The following GTSE1 variants were observed in gnomAD, a reference collection of about 807,000 sequenced individuals.
The protein encoded by GTSE1 is G2 and S phase-expressed protein 1.
GTSE1 carries 52 observed loss-of-function variants against 60.5 expected under a neutral mutation model. The ratio of observed to expected loss-of-function variants is 0.86; its 90% confidence interval spans 0.69 to 1.08. The LOEUF (loss-of-function observed/expected upper bound fraction) is 1.08, where lower values mean the gene tolerates loss of function less well. Among genes scored for constraint, GTSE1 ranks in the 50% least tolerant of loss-of-function variants. The pLI, the probability that GTSE1 is intolerant of heterozygous loss-of-function variation, is 0.00. For synonymous variants in GTSE1, 368 were observed against 386.5 expected (o/e 0.95, Z 0.56); for missense variants, 937 against 961.8 (o/e 0.97, Z 0.34).
At position 46,316,318 on chromosome 22, in the gene GTSE1, T is replaced by C. The variant is rs757579901; in HGVS notation, c.1338T>C (p.Thr446=). The change falls in exon 7 of 12, where the codon ACT becomes ACC. Residue 446 remains threonine (T), a synonymous_variant. Transcript: ENST00000454366. This position sits in a 1 kb window ranked among gnomAD's most constrained non-coding sequence, Gnocchi z 5.0. The stretch of plus-strand genomic sequence containing the variant: ...CAGAATCTTCTCAATTGAATAAGAC[T>C]AGAAGTATCAGACGGCGAGATTCCT... The part of the protein sequence containing the change: ...AWSESSQLNK[T]RSIRRRDSCL... The C allele has an allele frequency of 1.4e-5, 22 of 1,613,526 alleles. No individual in the cohort carries two copies. The highest frequency in any genetic ancestry group is 2.7e-5 in the African/African-American group (2 of 75,038).
chr22:46,311,159 C>CCT (rs2077746146), intron 4 of GTSE1, among the ~76,000 whole-genome samples: 1 of 151,866 alleles, frequency 6.6e-6, no homozygotes, highest in Non-Finnish European at 1.5e-5. Context: ...CTCACTGCAT[C>CCT]CTCTGCCTCT....
rs961197459 is a variant in GTSE1, at chr22:46,317,743, C to T, written c.1432+1331C>T. Among the ~76,000 whole-genome samples the T allele has an allele frequency of 1.3e-5, 2 of 152,236 alleles. No homozygotes were observed. On this transcript the variant is annotated intron_variant, in intron 7 of 11. Coordinates refer to ENST00000454366, the MANE Select transcript of GTSE1 (RefSeq NM_016426.7). This position sits in a 1 kb window ranked among gnomAD's most constrained non-coding sequence, Gnocchi z 5.6. ...TAGCCTTTCCGCCTCCCGCCACCGGCGTCCTTCCCAAGGCCTCTGCTGCAC... is the reference window on the plus strand; with the variant it reads ...TAGCCTTTCCGCCTCCCGCCACCGGTGTCCTTCCCAAGGCCTCTGCTGCAC...
rs1236152258 is a variant in GTSE1 at position 46,302,918 on chromosome 22, G to C, written c.80-5232G>C. Among the ~76,000 whole-genome samples, 3 of 49,958 alleles carry C rather than the reference G, an allele frequency of 6.0e-5. 1 individual carries two copies. The Admixed American group carries it at 6.3e-4, about 11-fold the overall frequency. The allele number at this position is 49,958 out of a possible 152,430, so 32.8% of individuals were successfully genotyped here. A position where few individuals can be genotyped will look rare whatever the true frequency, so the allele number is the denominator to read the frequency against. On this transcript the variant is annotated intron_variant, in intron 2 of 11. Coordinates refer to ENST00000454366, the MANE Select transcript of GTSE1 (RefSeq NM_016426.7). ...CTCTTTTTTTTTTTTTTTTTTCTTT[G>C]AGTTGGAGTCTTGCTCTGTCACCCA...
In GTSE1 at chr22:46,326,607, G is replaced by C. The variant is rs769850614; in HGVS notation, c.1677G>C (p.Val559=). 2.8e-5 allele frequency: 45 copies of C among 1,613,406 alleles called. No individual in the cohort carries two copies. Among genetic ancestry groups the C allele is most frequent in the Non-Finnish European group, 3.6e-5 (42 of 1,179,636 alleles). The change falls in exon 9 of 12, where the codon GTG becomes GTC. Residue 559 remains valine, a synonymous_variant. Transcript: ENST00000454366. ...GGGCCGTGGGCTCTCCCCTGTGTGT[G>C]CCAGCTCGGAGACGTTCCTCTGAGC... ...MPRAVGSPLC[V]PARRRSSEPR...
At chr22:46,325,609 C>G (rs776932957) in intron 8 of GTSE1, among the ~76,000 whole-genome samples, 1 of 152,264 alleles carries the variant, frequency 6.6e-6, no homozygotes, top group Non-Finnish European at 1.5e-5. Context: ...GATCCTCACA[C>G]TCCAGCCTCC....
In GTSE1 at chr22:46,313,233, G is replaced by C. The variant is rs1459969273; in HGVS notation, c.928-657G>C. Among the ~76,000 whole-genome samples, 1 of 150,598 alleles carries C rather than the reference G, an allele frequency of 6.6e-6. No individual in the cohort carries two copies. The highest frequency in any genetic ancestry group is 1.5e-5 in the Non-Finnish European group (1 of 67,814). On this transcript the variant is annotated intron_variant, in intron 5 of 11. Transcript: ENST00000454366. The surrounding 1 kb of genome is among the most constrained non-coding windows in gnomAD (Gnocchi z 4.4). ...TTCCTCACAGGCATGGAGACTACCAGCCACATCTTTGCCACTTATTTTCTG... is the reference window on the plus strand; with the variant it reads ...TTCCTCACAGGCATGGAGACTACCACCCACATCTTTGCCACTTATTTTCTG...
At chr22:46,299,640 C>T (rs751747486) in intron 2 of GTSE1, among the ~76,000 whole-genome samples, 1 of 152,192 alleles carries the variant, frequency 6.6e-6, no homozygotes, top group Non-Finnish European at 1.5e-5. Flanking sequence ...GTCTCAGCCA[C>T]GCTGTCTCAC....
At chr22:46,307,310 T>G (rs1039849716) in intron 2 of GTSE1, among the ~76,000 whole-genome samples, 21 of 152,172 alleles carry the variant, frequency 1.4e-4, no homozygotes, top group Admixed American at 5.2e-4. Flanking sequence ...AATAGATGTT[T>G]TGTAGCTTGT....
chr22:46,298,335 T>C (rs887181032), intron 2 of GTSE1, among the ~76,000 whole-genome samples: 1 of 151,764 alleles, frequency 6.6e-6, no homozygotes, highest in African/African-American at 2.4e-5. Context: ...TGAGACCAAG[T>C]CTCACTCTGT....
chr22:46,328,554 G>A, intron 9 of GTSE1, 134 bp from the exon 10 acceptor site: 2 of 642,450 alleles, frequency 3.1e-6, no homozygotes, highest in Non-Finnish European at 5.5e-6. Context: ...CTGGGGGTCT[G>A]GAGGGTGAAG....
intron 2 of GTSE1, among the ~76,000 whole-genome samples, chr22:46,300,930 G>C (rs1480507237): frequency 6.6e-6 from 1 of 152,160 alleles, no homozygotes; most frequent in Non-Finnish European, 1.5e-5. Context: ...CAGTCTCTTG[G>C]GTATCCTTCC....
At position 46,313,262 on chromosome 22, in the gene GTSE1, T is replaced by C. The variant is rs531626304; in HGVS notation, c.928-628T>C. Reference sequence around the variant, plus strand: ...CATCTTTGCCACTTATTTTCTGGCATTGGCGGTAAACCAAGCTGTGTGTAC... The same window carrying C: ...CATCTTTGCCACTTATTTTCTGGCACTGGCGGTAAACCAAGCTGTGTGTAC... On this transcript the variant is annotated intron_variant, in intron 5 of 11. Transcript: ENST00000454366. This position sits in a 1 kb window ranked among gnomAD's most constrained non-coding sequence, Gnocchi z 4.4. Among the ~76,000 whole-genome samples, 5 of 152,004 alleles carry C rather than the reference T, an allele frequency of 3.3e-5. No homozygotes were observed. Among genetic ancestry groups the C allele is most frequent in the African/African-American group, 7.2e-5 (3 of 41,390 alleles).
At position 46,308,462 on chromosome 22, in the gene GTSE1, C is replaced by A. The variant is rs554970789; in HGVS notation, c.281C>A (p.Ala94Asp). ...SESPFAWSPL[A>D]GEKFVEVYKE... ...AGTCCCTTTGCCTGGAGCCCTCTGG[C>A]CGGGGAGAAGTTCGTGGAGGTGTAC... The change falls in exon 4 of 12, where the codon GCC becomes GAC. Residue 94 changes from alanine (A) to aspartate (D), a missense_variant. Coordinates refer to ENST00000454366, the MANE Select transcript of GTSE1 (RefSeq NM_016426.7). 7.9e-5 allele frequency: 128 copies of A among 1,614,174 alleles called. 2 individuals carry two copies. In the South Asian group the frequency reaches 1.3e-3, roughly 17 times the overall value.
chr22:46,327,469 C>T (rs546408801), intron 9 of GTSE1, among the ~76,000 whole-genome samples: 2 of 152,180 alleles, frequency 1.3e-5, no homozygotes, highest in Admixed American at 1.3e-4. Flanking sequence ...GTCAGGAGTT[C>T]GAGACCAACC....
In GTSE1 at chr22:46,303,159, CA is replaced by C. The variant is rs200752542; in HGVS notation, c.80-4988del. ...TTGTGATCCACCCTCCTCGGCCTCC[CA>C]AAGTGCTGGGATTACAGATGTGAGC... On this transcript the variant is annotated intron_variant, in intron 2 of 11. Transcript: ENST00000454366. 2.7e-3 allele frequency among the ~76,000 whole-genome samples: 412 copies of C among 152,252 alleles called. 3 individuals carry two copies. The highest frequency in any genetic ancestry group is 9.2e-3 in the African/African-American group (382 of 41,542).
rs543716712 is a variant in GTSE1 at position 46,298,054 on chromosome 22, C to A, written c.79+575C>A. Reference sequence around the variant, plus strand: ...CTGTACTCACTGCAACCTCTCTCTCCTGAGTTGAAGGGATTCTCCTGCCTC... The same window carrying A: ...CTGTACTCACTGCAACCTCTCTCTCATGAGTTGAAGGGATTCTCCTGCCTC... On this transcript the variant is annotated intron_variant, in intron 2 of 11. Coordinates refer to ENST00000454366, the MANE Select transcript of GTSE1 (RefSeq NM_016426.7). Among the ~76,000 whole-genome samples, 5 of 151,620 alleles carry A rather than the reference C, an allele frequency of 3.3e-5. No individual in the cohort carries two copies. In the South Asian group the frequency reaches 6.3e-4, roughly 19 times the overall value.
At chr22:46,307,888 G>T (rs1274568010) in intron 2 of GTSE1, among the ~76,000 whole-genome samples, 2 of 152,018 alleles carry the variant, frequency 1.3e-5, no homozygotes, top group African/African-American at 4.8e-5. Flanking sequence ...ACGCCAGGAG[G>T]ATCACTTGAG....
In GTSE1 at chr22:46,314,866, AATG is replaced by A. The variant is rs1022895357; in HGVS notation, c.1051+856_1051+858del. 3.3e-5 allele frequency among the ~76,000 whole-genome samples: 5 copies of A among 151,940 alleles called. No individual in the cohort carries two copies. Among genetic ancestry groups the A allele is most frequent in the African/African-American group, 7.3e-5 (3 of 41,336 alleles). ...ACTCCGTCTCAAAAAAAAAAAAAAA[AATG>A]ATAAGTGTGAACTCTCTAATCAGAT... On this transcript the variant is annotated intron_variant, in intron 6 of 11. Transcript: ENST00000454366. The surrounding 1 kb of genome is among the most constrained non-coding windows in gnomAD (Gnocchi z 7.1).
Position 46,314,067 on chromosome 22 carries a change from G to C in GTSE1, c.1051+54G>C, listed in dbSNP as rs2077764845. 6.2e-6 allele frequency: 10 copies of C among 1,602,218 alleles called. No individual in the cohort carries two copies. The South Asian group carries it at 1.1e-4, about 18-fold the overall frequency. The stretch of plus-strand genomic sequence containing the variant: ...CACATCTGGCCAGGTGAGGCCTGGA[G>C]TGCTGCTCAGGCCTTGGAGACTGTT... On this transcript the variant is annotated intron_variant, in intron 6 of 11. Transcript: ENST00000454366. This position sits in a 1 kb window ranked among gnomAD's most constrained non-coding sequence, Gnocchi z 7.1.
Sources: gnomAD v4.1 joint callset for allele counts (sites outside exome capture counted in the v4.1 genomes callset) on GRCh38, gnomAD v4.1.1 for gene constraint, Gnocchi (gnomAD v3.1) non-coding constraint, MANE v1.5 for transcripts, NCBI Gene and HGNC (gene_info 2026-07-23, HGNC 2026-07-21) for gene names.